The following LMAN1L variants were observed in gnomAD, a reference collection of about 807,000 sequenced individuals.
LMAN1L encodes lectin, mannose binding 1 like.
LMAN1L carries 60 observed loss-of-function variants against 58.3 expected under a neutral mutation model. The ratio of observed to expected loss-of-function variants is 1.03; its 90% CI spans 0.84 to 1.27. LMAN1L has a LOEUF of 1.27. Among genes scored for constraint, LMAN1L ranks in the 50% most tolerant of loss-of-function variants. The probability of loss-of-function intolerance (pLI) is 0.00; values close to 1 mark genes in which losing one functional copy is unlikely to be tolerated. For missense variants in LMAN1L, 629 were observed against 674.0 expected (o/e 0.93, Z 0.74); for synonymous variants, 280 against 271.6 (o/e 1.03, Z -0.31).
intron 1 of LMAN1L, 129 bp from the exon 2 acceptor site, chr15:74,816,028 C>T: frequency 9.3e-6 from 11 of 1,186,528 alleles, no homozygotes; most frequent in Non-Finnish European, 1.3e-5. Flanking sequence ...CCCTGGCTGG[C>T]CGCTTATTTA....
chr15:74,815,532 T>G (rs1467480000), intron 1 of LMAN1L, among the ~76,000 whole-genome samples: 1 of 152,226 alleles, frequency 6.6e-6, no homozygotes, highest in African/African-American at 2.4e-5. Flanking sequence ...CTGCATTCTT[T>G]CATCGCAGTC....
In LMAN1L at chr15:74,820,105, G is replaced by A. The variant is rs1171426025; in HGVS notation, c.774+6G>A. The A allele has an allele frequency of 1.2e-6, 2 of 1,613,102 alleles. No individual in the cohort carries two copies. The highest frequency in any genetic ancestry group is 2.2e-5 in the East Asian group (1 of 44,864). On this transcript the variant is annotated splice_donor_region_variant and intron_variant, in intron 7 of 13. Coordinates refer to ENST00000309664, the MANE Select transcript of LMAN1L (RefSeq NM_021819.3). ...TGAGTGAGCCCAGCCCAGAGGTGAT[G>A]CCAGCCCTGGCCTACCTGGGAATGG...
chr15:74,821,251 G>A lies in LMAN1L; in HGVS notation c.1059+25G>A, dbSNP rs1215086116. ...GGTGAGAAGCCCTACAGGCATCCAAGGCTCCACCTGCGGGCCTGAAAGAGG... is the reference window on the plus strand; with the variant it reads ...GGTGAGAAGCCCTACAGGCATCCAAAGCTCCACCTGCGGGCCTGAAAGAGG... On this transcript the variant is annotated intron_variant, in intron 9 of 13. Transcript: ENST00000309664. 13 of 1,546,000 alleles carry A rather than the reference G, an allele frequency of 8.4e-6. No individual in the cohort carries two copies. In the Admixed American group the frequency reaches 2.4e-4, roughly 28 times the overall value.
chr15:74,824,638 C>T, intron 13 of LMAN1L, 160 bp downstream of exon 13: 1 of 816,146 alleles, frequency 1.2e-6, no homozygotes, highest in Non-Finnish European at 1.9e-6. Flanking sequence ...ATTCTCTCAC[C>T]AAGCACTACT....
At chr15:74,814,575 T>C (rs908914599) in intron 1 of LMAN1L, among the ~76,000 whole-genome samples, 1 of 152,090 alleles carries the variant, frequency 6.6e-6, no homozygotes, top group African/African-American at 2.4e-5. Flanking sequence ...GGGTTTCACC[T>C]TGTTAGCCAG....
In LMAN1L at chr15:74,817,775, G is replaced by A. The variant is rs190808446; in HGVS notation, c.498-943G>A. 2.9e-3 allele frequency among the ~76,000 whole-genome samples: 446 copies of A among 152,226 alleles called. 7 individuals carry two copies. Among genetic ancestry groups the A allele is most frequent in the African/African-American group, 0.01 (434 of 41,538 alleles). On this transcript the variant is annotated intron_variant, in intron 4 of 13. Coordinates refer to ENST00000309664, the MANE Select transcript of LMAN1L (RefSeq NM_021819.3). ...GCCTGTAATCCCAGCATTTTGGGAG[G>A]CTGAGGCGGGCTAATCACCTGAGGT...
rs2063927383 is a variant in LMAN1L at position 74,823,613 on chromosome 15, C to T, written c.1254C>T (p.Gly418=). ...AEAQVSYLPV[G]IEHHFLELDH... ...CCCAGGTCTCCTACCTGCCTGTGGG[C>T]ATTGAGCATCATTTCTTAGAGCTGG... Residue 418 remains glycine (G), a synonymous_variant, in exon 12 of 14, where the codon GGC becomes GGT. Transcript: ENST00000309664. The T allele has an allele frequency of 6.2e-7, 1 of 1,613,954 alleles. No homozygotes were observed.
intron 4 of LMAN1L, among the ~76,000 whole-genome samples, 178 bp downstream of exon 4, chr15:74,816,868 G>C (rs1457852220): frequency 2.6e-5 from 4 of 152,126 alleles, no homozygotes; most frequent in Admixed American, 2.6e-4. Context: ...TGATTCCTTC[G>C]ACCCAGCAGC....
At chr15:74,820,349 C>T in intron 7 of LMAN1L, 1 of 614,574 alleles carries the variant, frequency 1.6e-6, no homozygotes, top group Non-Finnish European at 2.9e-6. Context: ...GTGCAGGGGG[C>T]TGTGGGAGCA....
chr15:74,814,751 C>T (rs1255573986), intron 1 of LMAN1L, among the ~76,000 whole-genome samples: 4 of 152,034 alleles, frequency 2.6e-5, no homozygotes, highest in East Asian at 3.9e-4. Context: ...TCAGATGATC[C>T]GCCTGCCTCG....
In LMAN1L at chr15:74,822,647, T is replaced by G. The variant is rs777990273; in HGVS notation, c.1137T>G (p.Ser379=). ...GHLSMSLNKD[S]AKVGALLHGQ... ...AAGAGGCTGCCCCTCTGCAGGACTC[T>G]GCCAAGGTCGGTGCCCTGCTCCATG... The change falls in exon 11 of 14, where the codon TCT becomes TCG. Residue 379 remains serine, a synonymous_variant. Coordinates refer to ENST00000309664, the MANE Select transcript of LMAN1L (RefSeq NM_021819.3). The G allele has an allele frequency of 7.7e-5, 125 of 1,613,806 alleles. No homozygotes were observed. Among genetic ancestry groups the G allele is most frequent in the Admixed American group, 1.5e-4 (9 of 59,988 alleles).
Position 74,825,552 on chromosome 15 carries a change from AG to A in LMAN1L, c.1531del (p.Ala511ProfsTer5), listed in dbSNP as rs746877953. On this transcript the variant is annotated frameshift_variant, in exon 14 of 14. Transcript: ENST00000309664. LOFTEE classifies it high-confidence loss of function. ...TCTGGGTCCTGCACCACACACCCCCAGGGCCCTGGGGATTCTGAGGAGGCAG... is the reference window on the plus strand; with the variant it reads ...TCTGGGTCCTGCACCACACACCCCCAGGCCCTGGGGATTCTGAGGAGGCAG... The part of the protein sequence containing the change: ...LPLGPAPHTP[R>X]ALGILRRQPL... 6.2e-7 allele frequency: 1 copy of A among 1,613,366 alleles called. No individual in the cohort carries two copies. Among genetic ancestry groups the A allele is most frequent in the South Asian group, 1.1e-5 (1 of 91,058 alleles).
At position 74,823,557 on chromosome 15, in the gene LMAN1L, A is replaced by G. The variant is rs369608024; in HGVS notation, c.1200-2A>G. ...TCTTACTTGGTTACCACCCCCGGTT[A>G]GGGATGCAGCTGTCCGCATGGCTGC... On this transcript the variant is annotated splice_acceptor_variant, in intron 11 of 13. Transcript: ENST00000309664. LOFTEE classifies it high-confidence loss of function. 4 of 1,613,566 alleles carry G rather than the reference A, an allele frequency of 2.5e-6. No individual in the cohort carries two copies. In the African/African-American group the frequency reaches 5.3e-5, roughly 22 times the overall value.
In LMAN1L at chr15:74,824,211, C is replaced by A. The variant is rs186546818; in HGVS notation, c.1324-140C>A. 1.6e-5 allele frequency: 12 copies of A among 764,168 alleles called. No individual in the cohort carries two copies. The East Asian group carries it at 3.0e-4, about 19-fold the overall frequency. 47.3% of individuals were successfully genotyped at this position (764,168 alleles called of 1,614,324 possible). On this transcript the variant is annotated intron_variant, in intron 12 of 13. Transcript: ENST00000309664. ...GGGAGGCAGCTTTGTACACTGCCCC[C>A]TCTCCAAGTTCCCTGGATGAGAGCC...
Position 74,816,476 on chromosome 15 carries a change from G to T in LMAN1L, c.380G>T (p.Gly127Val), listed in dbSNP as rs1004061620. The T allele has an allele frequency of 6.4e-7, 1 of 1,551,040 alleles. No individual in the cohort carries two copies. The highest frequency in any genetic ancestry group is 1.2e-5 in the South Asian group (1 of 81,144). Residue 127 changes from glycine (G) to valine (V), a missense_variant, in exon 3 of 14, where the codon GGG becomes GTG. By Grantham distance (109) the Gly-to-Val change is moderately radical. Coordinates refer to ENST00000309664, the MANE Select transcript of LMAN1L (RefSeq NM_021819.3). ...GGCCATGTAGGCTCTGTCCTTGGGG[G>T]GCTGGCTTCGTGGGACGGCATCGGG... ...GRGHVGSVLG[G>V]LASWDGIGIF... is the part of the protein sequence containing the mutation.
intron 6 of LMAN1L, 160 bp from the exon 7 acceptor site, chr15:74,819,884 C>T (rs2063908785): frequency 1.4e-6 from 1 of 702,744 alleles, no homozygotes; most frequent in African/African-American, 1.7e-5. Flanking sequence ...ACCTGTCAAC[C>T]CTCACACCTT....
In LMAN1L at chr15:74,821,910, C is replaced by CA. The variant is rs2063918553; in HGVS notation, c.1131+13dup. On this transcript the variant is annotated intron_variant, in intron 10 of 13. Transcript: ENST00000309664. ...CATGTCACTCAATAAGGTAGGGACC[C>CA]AAACACTGGGTGTTGACCAGCACTG... 1.3e-6 allele frequency: 2 copies of CA among 1,590,426 alleles called. No individual in the cohort carries two copies. Among genetic ancestry groups the CA allele is most frequent in the Admixed American group, 1.7e-5 (1 of 59,878 alleles).
intron 10 of LMAN1L, 37 bp downstream of exon 10, chr15:74,821,937 C>T: frequency 7.0e-7 from 1 of 1,431,578 alleles, no homozygotes; most frequent in Non-Finnish European, 9.8e-7. Context: ...CCAGCACTGG[C>T]CCCAGCTTGG....
chr15:74,822,531 T>C (rs1426676149), intron 10 of LMAN1L, 111 bp from the exon 11 acceptor site: 7 of 785,812 alleles, frequency 8.9e-6, no homozygotes, highest in Non-Finnish European at 1.5e-5. Flanking sequence ...GAGGCCCTGG[T>C]AATCTGGGAA....
Sources: allele counts gnomAD v4.1 joint callset (sites outside exome capture counted in the v4.1 genomes callset), GRCh38; gene constraint gnomAD v4.1.1; transcripts MANE v1.5; gene names NCBI Gene and HGNC (gene_info 2026-07-23, HGNC 2026-07-21).